The following SMIM13 variants were observed in gnomAD, a reference collection of about 807,000 sequenced individuals.
The protein encoded by SMIM13 is small integral membrane protein 13, also known as UPF0766 protein C6orf228.
SMIM13 carries 3 observed loss-of-function variants against 5.9 expected under a neutral mutation model. That is an observed-to-expected ratio of 0.51 (90% CI 0.23 to 1.31). The LOEUF (loss-of-function observed/expected upper bound fraction) is 1.31. SMIM13 is among the 40% of genes most tolerant of loss of function. The probability of loss-of-function intolerance (pLI) is 0.18; values close to 1 mark genes in which losing one functional copy is unlikely to be tolerated. For missense variants in SMIM13, 85 were observed against 109.9 expected (o/e 0.77, Z 1.01); for synonymous variants, 55 against 46.0 (o/e 1.19, Z -0.79).
intron 1 of SMIM13, chr6:11,103,552 C>T: frequency 1.6e-6 from 2 of 1,258,004 alleles, no homozygotes; most frequent in Non-Finnish European, 2.1e-6. Context: ...AGTGGTTGTT[C>T]TGTGGGTCTT....
chr6:11,124,869 T>G (rs909870515), intron 1 of SMIM13, among the ~76,000 whole-genome samples: 4 of 152,120 alleles, frequency 2.6e-5, no homozygotes, highest in Non-Finnish European at 5.9e-5. Context: ...TAGGACAGGT[T>G]TGGTGTTGAC....
chr6:11,121,247 ACT>A (rs1352568597), intron 1 of SMIM13, among the ~76,000 whole-genome samples: 3 of 151,544 alleles, frequency 2.0e-5, no homozygotes, highest in Non-Finnish European at 4.4e-5. Context: ...TTCTTCTTTC[ACT>A]CTCTACTGTT....
chr6:11,128,822 G>A (rs1356293772), intron 1 of SMIM13, among the ~76,000 whole-genome samples: 1 of 152,038 alleles, frequency 6.6e-6, no homozygotes, highest in East Asian at 1.9e-4. Flanking sequence ...CTGAGTTTCA[G>A]TGCAGAGTCC....
chr6:11,119,604 A>G (rs911793189), intron 1 of SMIM13, among the ~76,000 whole-genome samples: 1 of 152,068 alleles, frequency 6.6e-6, no homozygotes, highest in African/African-American at 2.4e-5. Flanking sequence ...CAGTGAGCCC[A>G]GATCGTGCCA....
intron 1 of SMIM13, among the ~76,000 whole-genome samples, chr6:11,101,614 G>C (rs945017628): frequency 6.6e-6 from 1 of 152,122 alleles, no homozygotes; most frequent in Non-Finnish European, 1.5e-5. Context: ...TGAAACCATG[G>C]AACAGGGAGA....
Position 11,136,769 on chromosome 6 carries a change from G to A in SMIM13, c.*2167G>A, listed in dbSNP as rs1581924011. ...TAACAAAACAGTGACAGTTTCAAGC[G>A]TTAATTTTAATGCTTCCTACTAGCT... On this transcript the variant is annotated 3_prime_UTR_variant, in exon 2 of 2. Transcript: ENST00000416247. The A allele has an allele frequency of 1.3e-5, 2 of 151,636 alleles. No individual in the cohort carries two copies. The highest frequency in any genetic ancestry group is 4.9e-5 in the African/African-American group (2 of 41,208). 9.4% of individuals were successfully genotyped at this position (151,636 alleles called of 1,614,324 possible). A position where few individuals can be genotyped will look rare whatever the true frequency, so the allele number is the denominator to read the frequency against.
intron 1 of SMIM13, chr6:11,103,856 G>A: frequency 1.3e-6 from 2 of 1,551,648 alleles, no homozygotes; most frequent in Non-Finnish European, 1.7e-6. Flanking sequence ...GGCCTGTAAG[G>A]GGAAGAACCC....
At chr6:11,123,674 T>C (rs1758339527) in intron 1 of SMIM13, among the ~76,000 whole-genome samples, 1 of 152,352 alleles carries the variant, frequency 6.6e-6, no homozygotes, top group East Asian at 1.9e-4. Flanking sequence ...TTAGCTGTTA[T>C]TATTTTTATT....
At chr6:11,102,649 C>G (rs1299647079) in intron 1 of SMIM13, 1 of 152,194 alleles carries the variant, frequency 6.6e-6, no homozygotes, top group Non-Finnish European at 1.5e-5. Context: ...TTGAAAGGAC[C>G]TAGTTAGAGG....
In SMIM13 at chr6:11,094,250, C is replaced by T; in HGVS notation, c.-64C>T. On this transcript the variant is annotated 5_prime_UTR_variant, in exon 1 of 2. Coordinates refer to ENST00000416247, the MANE Select transcript of SMIM13 (RefSeq NM_001135575.2). ...CCCGCCGCTGAAGCGCAGGACGCGC[C>T]GCCGCCCGCGCTCACCGCCGTCCGC... 8.6e-6 allele frequency: 9 copies of T among 1,049,370 alleles called. No homozygotes were observed. Among genetic ancestry groups the T allele is most frequent in the Non-Finnish European group, 1.1e-5 (9 of 817,298 alleles). 65.0% of individuals were successfully genotyped at this position (1,049,370 alleles called of 1,614,324 possible).
intron 1 of SMIM13, among the ~76,000 whole-genome samples, chr6:11,100,321 A>G (rs1052181919): frequency 6.6e-6 from 1 of 152,110 alleles, no homozygotes; most frequent in African/African-American, 2.4e-5. Flanking sequence ...CGGCCTCCCA[A>G]AGTACTGGGA....
chr6:11,104,009 T>C, intron 1 of SMIM13: 1 of 1,551,718 alleles, frequency 6.4e-7, no homozygotes, highest in Non-Finnish European at 8.7e-7. Context: ...ATTTTTCATC[T>C]AAGGCCAAAC....
chr6:11,114,667 C>T lies in SMIM13; in HGVS notation c.77-19736C>T, dbSNP rs192935145. ...AGGCTGGAATGTGGTGGTATGATCT[C>T]GGCTCACTGCACCCTCCTCCTCCCA... On this transcript the variant is annotated intron_variant, in intron 1 of 1. Transcript: ENST00000416247. Among the ~76,000 whole-genome samples the T allele has an allele frequency of 6.3e-3, 785 of 124,812 alleles. 3 individuals carry two copies. The highest frequency in any genetic ancestry group is 0.025 in the South Asian group (93 of 3,790). The allele number at this position is 124,812 out of a possible 152,430, so 81.9% of individuals were successfully genotyped here.
chr6:11,106,949 A>G (rs927379198), intron 1 of SMIM13, among the ~76,000 whole-genome samples: 2 of 152,178 alleles, frequency 1.3e-5, no homozygotes, highest in African/African-American at 4.8e-5. Context: ...GAATTTGTAT[A>G]TACTCCTTTT....
chr6:11,103,788 G>A, intron 1 of SMIM13: 4 of 1,551,676 alleles, frequency 2.6e-6, no homozygotes, highest in Admixed American at 3.9e-5. Flanking sequence ...GACAAATTGG[G>A]TTATTAGATT....
In SMIM13 at chr6:11,135,871, G is replaced by A. The variant is rs896899516; in HGVS notation, c.*1269G>A. ...GTTTTTTCTTAGTGATACATATGGT[G>A]CATCTTAACAATTGGTAGTGTCTTA... On this transcript the variant is annotated 3_prime_UTR_variant, in exon 2 of 2. Transcript: ENST00000416247. 1 of 152,190 alleles carries A rather than the reference G, an allele frequency of 6.6e-6. No homozygotes were observed. The highest frequency in any genetic ancestry group is 1.5e-5 in the Non-Finnish European group (1 of 68,034). 9.4% of individuals were successfully genotyped at this position (152,190 alleles called of 1,614,324 possible). A position where few individuals can be genotyped will look rare whatever the true frequency, so the allele number is the denominator to read the frequency against.
chr6:11,121,473 C>T (rs1006607073), intron 1 of SMIM13, among the ~76,000 whole-genome samples: 1 of 152,122 alleles, frequency 6.6e-6, no homozygotes, highest in African/African-American at 2.4e-5. Flanking sequence ...TCCCCTGTCC[C>T]CCAAAATACA....
intron 1 of SMIM13, among the ~76,000 whole-genome samples, chr6:11,116,982 C>CTTT (rs68092921): frequency 0.071 from 3,293 of 46,440 alleles, 1,011 homozygotes; most frequent in East Asian, 0.17. Flanking sequence ...ATAATTGTTT[C>CTTT]TTTTTTTTTT....
chr6:11,107,295 C>T (rs541337489), intron 1 of SMIM13, among the ~76,000 whole-genome samples: 45 of 152,298 alleles, frequency 3.0e-4, no homozygotes, highest in Admixed American at 7.2e-4. Flanking sequence ...TTTCTAACAA[C>T]AAGACTTGGT....
Sources: gnomAD v4.1 joint callset for allele counts (sites outside exome capture counted in the v4.1 genomes callset) on GRCh38, gnomAD v4.1.1 for gene constraint, MANE v1.5 for transcripts, NCBI Gene and HGNC (gene_info 2026-07-23, HGNC 2026-07-21) for gene names.